Variants in ARL5B observed in about 807,000 individuals in gnomAD.
ARL5B encodes the protein ADP-ribosylation factor-like protein 5B.
Under a neutral mutation model 26.9 loss-of-function variants are expected in ARL5B, and 10 were observed. The observed-to-expected ratio is 0.37, with a 90% CI of 0.23 to 0.63. The LOEUF (loss-of-function observed/expected upper bound fraction) is 0.63. Among genes scored for constraint, ARL5B ranks in the 30% least tolerant of loss-of-function variants. ARL5B has a pLI of 0.62. For synonymous variants in ARL5B, 87 were observed against 70.4 expected, an observed-to-expected ratio of 1.24 and a Z score of -1.18; for missense variants, 167 against 213.9, an observed-to-expected ratio of 0.78 and a Z score of 1.37.
intron 1 of ARL5B, among the ~76,000 whole-genome samples, chr10:18,665,877 A>T (rs555084580): frequency 6.6e-6 from 1 of 152,338 alleles, no homozygotes; most frequent in East Asian, 1.9e-4. Flanking sequence ...GAATAATTAG[A>T]TGAGCTTTAG....
intron 2 of ARL5B, among the ~76,000 whole-genome samples, chr10:18,667,677 T>A (rs921955655): frequency 2.6e-5 from 4 of 151,832 alleles, no homozygotes; most frequent in Non-Finnish European, 4.4e-5. Flanking sequence ...ATACGAGGGG[T>A]ATGAGCATCA....
intron 1 of ARL5B, among the ~76,000 whole-genome samples, chr10:18,662,212 A>G (rs891134179): frequency 3.3e-5 from 5 of 152,238 alleles, no homozygotes; most frequent in East Asian, 3.8e-4. Context: ...AGGCCTGGGC[A>G]TCACTGCCAA....
At position 18,671,802 on chromosome 10, in the gene ARL5B, A is replaced by T. The variant is rs190588209; in HGVS notation, c.256-820A>T. On this transcript the variant is annotated intron_variant, in intron 3 of 5. Transcript: ENST00000377275. ...CACCTTAGCCTCCCAAGTAGGTGGGACTATGTGCATGGCTAATTTTTATTT... is the reference window on the plus strand; with the variant it reads ...CACCTTAGCCTCCCAAGTAGGTGGGTCTATGTGCATGGCTAATTTTTATTT... Among the ~76,000 whole-genome samples the T allele has an allele frequency of 1.9e-3, 293 of 152,010 alleles. 1 individual carries two copies. The highest frequency in any genetic ancestry group is 6.7e-3 in the African/African-American group (276 of 41,472).
At position 18,659,524 on chromosome 10, in the gene ARL5B, C is replaced by T. The variant is rs2059816164; in HGVS notation, c.-114C>T. The T allele has an allele frequency of 7.3e-7, 1 of 1,363,286 alleles. No homozygotes were observed. Among genetic ancestry groups the T allele is most frequent in the South Asian group, 1.5e-5 (1 of 66,382 alleles). 84.4% of individuals were successfully genotyped at this position (1,363,286 alleles called of 1,614,324 possible). On this transcript the variant is annotated 5_prime_UTR_variant, in exon 1 of 6. Transcript: ENST00000377275. ...GCTTCTCGGCCTAGCAGTGCCCTCGCTGCGCGATCTCAGGCGGGTTCTCCT... is the reference window on the plus strand; with the variant it reads ...GCTTCTCGGCCTAGCAGTGCCCTCGTTGCGCGATCTCAGGCGGGTTCTCCT...
Position 18,659,633 on chromosome 10 carries a change from T to C in ARL5B, c.-5T>C. 1 of 1,609,392 alleles carries C rather than the reference T, an allele frequency of 6.2e-7. No homozygotes were observed. The highest frequency in any genetic ancestry group is 8.5e-7 in the Non-Finnish European group (1 of 1,178,122). On this transcript the variant is annotated 5_prime_UTR_variant, in exon 1 of 6. Coordinates refer to ENST00000377275, the MANE Select transcript of ARL5B (RefSeq NM_178815.5). ...GGGACCCCGCGGCCCGCCCCGGTGC[T>C]CGTGATGGGGCTGATCTTCGCCAAA...
intron 1 of ARL5B, among the ~76,000 whole-genome samples, chr10:18,663,476 T>A (rs1389173647): frequency 6.6e-6 from 1 of 152,152 alleles, no homozygotes; most frequent in Non-Finnish European, 1.5e-5. Flanking sequence ...GTATGATTAT[T>A]GTCCTTTACT....
At chr10:18,674,433 CTG>C (rs754443745) in intron 5 of ARL5B, among the ~76,000 whole-genome samples, 8 of 152,022 alleles carry the variant, frequency 5.3e-5, no homozygotes, top group Admixed American at 3.3e-4. Context: ...GAGAAAAAAA[CTG>C]TAATGTCACC....
chr10:18,666,959 T>C (rs2059863952), intron 2 of ARL5B, among the ~76,000 whole-genome samples: 1 of 152,244 alleles, frequency 6.6e-6, no homozygotes, highest in Admixed American at 6.5e-5. Context: ...TGTAAATAAA[T>C]TGATAGCTCT....
intron 1 of ARL5B, among the ~76,000 whole-genome samples, chr10:18,660,569 G>T (rs575542596): frequency 7.2e-5 from 11 of 152,214 alleles, no homozygotes; most frequent in Non-Finnish European, 1.6e-4. Flanking sequence ...TTTTATGTTG[G>T]TACCAATTTG....
At chr10:18,671,426 A>G (rs912779399) in intron 3 of ARL5B, among the ~76,000 whole-genome samples, 1 of 152,008 alleles carries the variant, frequency 6.6e-6, no homozygotes, top group Admixed American at 6.6e-5. Flanking sequence ...ACCTCGGCCT[A>G]CCAAAGTGCT....
intron 1 of ARL5B, among the ~76,000 whole-genome samples, chr10:18,661,791 G>A (rs1235316292): frequency 6.6e-6 from 1 of 152,194 alleles, no homozygotes; most frequent in Non-Finnish European, 1.5e-5. Context: ...CGAATAGAAG[G>A]GACGTGTTAT....
At chr10:18,672,893 C>T (rs1027246165) in intron 4 of ARL5B, among the ~76,000 whole-genome samples, 188 bp downstream of exon 4, 1 of 152,062 alleles carries the variant, frequency 6.6e-6, no homozygotes, top group Non-Finnish European at 1.5e-5. Context: ...TTAAAAAACC[C>T]TAACACATTA....
rs2059918556 is a variant in ARL5B at position 18,678,284 on chromosome 10, ATAAAT to A, written c.*3070_*3074del. On this transcript the variant is annotated 3_prime_UTR_variant, in exon 6 of 6. Transcript: ENST00000377275. ...TTCTATATTCATTAGAAGAAAGGTA[ATAAAT>A]TTAAGTTTCATTGCTGAAAAATTTT... 2 of 151,718 alleles carry A rather than the reference ATAAAT, an allele frequency of 1.3e-5. No individual in the cohort carries two copies. Among genetic ancestry groups the A allele is most frequent in the South Asian group, 2.1e-4 (1 of 4,808 alleles). 9.4% of individuals were successfully genotyped at this position (151,718 alleles called of 1,614,324 possible). A position where few individuals can be genotyped will look rare whatever the true frequency, so the allele number is the denominator to read the frequency against.
intron 3 of ARL5B, among the ~76,000 whole-genome samples, chr10:18,672,278 T>C (rs1314616340): frequency 6.6e-6 from 1 of 152,214 alleles, no homozygotes; most frequent in African/African-American, 2.4e-5. Context: ...TAGTGAAAAA[T>C]ATTATTGAAA....
At chr10:18,667,228 A>G (rs2059865277) in intron 2 of ARL5B, among the ~76,000 whole-genome samples, 1 of 152,356 alleles carries the variant, frequency 6.6e-6, no homozygotes, top group Non-Finnish European at 1.5e-5. Flanking sequence ...TCTACCAGGC[A>G]CTTTAACAAA....
chr10:18,675,144 A>G, intron 5 of ARL5B, 24 bp from the exon 6 acceptor site: 1 of 1,608,030 alleles, frequency 6.2e-7, no homozygotes, highest in Admixed American at 1.7e-5. Context: ...TTTTTAATTA[A>G]AAATACTTCT....
intron 1 of ARL5B, among the ~76,000 whole-genome samples, chr10:18,664,281 A>G (rs1158159573): frequency 6.6e-6 from 1 of 151,822 alleles, no homozygotes. Context: ...GAGATGGGAT[A>G]TTACTGTATT....
In ARL5B at chr10:18,659,543, T is replaced by G; in HGVS notation, c.-95T>G. 1 of 1,443,892 alleles carries G rather than the reference T, an allele frequency of 6.9e-7. No homozygotes were observed. Among genetic ancestry groups the G allele is most frequent in the East Asian group, 2.6e-5 (1 of 38,712 alleles). The allele number at this position is 1,443,892 out of a possible 1,614,324, so 89.4% of individuals were successfully genotyped here. A position where few individuals can be genotyped will look rare whatever the true frequency, so the allele number is the denominator to read the frequency against. ...CCCTCGCTGCGCGATCTCAGGCGGG[T>G]TCTCCTCGGCTCCGCGCAGCCCGCG... On this transcript the variant is annotated 5_prime_UTR_variant, in exon 1 of 6. Coordinates refer to ENST00000377275, the MANE Select transcript of ARL5B (RefSeq NM_178815.5).
chr10:18,667,387 A>G (rs2059866056), intron 2 of ARL5B, among the ~76,000 whole-genome samples: 1 of 152,224 alleles, frequency 6.6e-6, no homozygotes, highest in African/African-American at 2.4e-5. Flanking sequence ...CTACTGACTT[A>G]AAGTTTGTTG....
Sources: gnomAD v4.1 joint callset for allele counts (sites outside exome capture counted in the v4.1 genomes callset) on GRCh38, gnomAD v4.1.1 for gene constraint, MANE v1.5 for transcripts, NCBI Gene and HGNC (gene_info 2026-07-23, HGNC 2026-07-21) for gene names.